Variants in NSF observed in about 807,000 individuals in gnomAD.
NSF encodes the protein vesicle-fusing ATPase.
NSF carries 14 observed loss-of-function variants against 50.3 expected under a neutral mutation model. The observed-to-expected ratio is 0.28, with a 90% CI of 0.18 to 0.44. The LOEUF is 0.44. Ranked by LOEUF, NSF falls within the 20% of genes least tolerant of loss-of-function variation. The probability of loss-of-function intolerance (pLI) is 1.00; values close to 1 mark genes in which losing one functional copy is unlikely to be tolerated. For missense variants in NSF, 218 were observed against 504.3 expected (o/e 0.43, Z 5.44); for synonymous variants, 109 against 175.7 (o/e 0.62, Z 3.00).
At chr17:46,727,123 A>G (rs145388118) in intron 16 of NSF, among the ~76,000 whole-genome samples, 17 of 152,324 alleles carry the variant, frequency 1.1e-4, no homozygotes, top group African/African-American at 4.1e-4. Context: ...AGTAATTGTG[A>G]AGACAAAAAT....
At chr17:46,721,326 T>G (rs938308894) in intron 15 of NSF, among the ~76,000 whole-genome samples, 2 of 152,198 alleles carry the variant, frequency 1.3e-5, no homozygotes, top group African/African-American at 2.4e-5. Flanking sequence ...TCTTCCTTCC[T>G]TTAGAGTAGA....
chr17:46,732,340 C>T (rs536219804), intron 17 of NSF, among the ~76,000 whole-genome samples: 118 of 152,098 alleles, frequency 7.8e-4, no homozygotes, highest in Admixed American at 2.1e-3. Flanking sequence ...TCTCTTTTCT[C>T]CTTCCACCCC....
At chr17:46,731,536 G>A (rs199449) in intron 17 of NSF, among the ~76,000 whole-genome samples, 45,636 of 152,006 alleles carry the variant, frequency 0.3, 7,613 homozygotes, top group East Asian at 0.6. Flanking sequence ...AGTGGTTTAG[G>A]AGCTACTTAA....
intron 1 of NSF, among the ~76,000 whole-genome samples, chr17:46,600,025 A>G (rs1316821145): frequency 2.0e-5 from 1 of 51,022 alleles, no homozygotes; most frequent in Non-Finnish European, 3.5e-5. Flanking sequence ...TGGCGCAGTC[A>G]TAGCTCACTG....
chr17:46,603,111 TATCA>T (rs1320554881), intron 1 of NSF, among the ~76,000 whole-genome samples: 2 of 126,044 alleles, frequency 1.6e-5, no homozygotes, highest in African/African-American at 6.3e-5. Context: ...TAAATCTACT[TATCA>T]GTCATCAAAT....
intron 1 of NSF, among the ~76,000 whole-genome samples, chr17:46,622,637 A>T (rs1180044249): frequency 7.1e-6 from 1 of 141,072 alleles, no homozygotes; most frequent in African/African-American, 2.8e-5. Flanking sequence ...TTCAAAAATT[A>T]GCTGGAGCAT....
chr17:46,733,539 G>A lies in NSF; in HGVS notation c.1908+4605G>A, dbSNP rs574308570. ...CATCTGTATGTAACAGGGTAGCCTC[G>A]TAATTTATGGAGGAGCAATCCTTCC... On this transcript the variant is annotated intron_variant, in intron 17 of 20. Coordinates refer to ENST00000398238, the MANE Select transcript of NSF (RefSeq NM_006178.4). Among the ~76,000 whole-genome samples the A allele has an allele frequency of 6.5e-4, 99 of 152,236 alleles. 1 individual carries two copies. The highest frequency in any genetic ancestry group is 1.7e-3 in the African/African-American group (72 of 41,542).
chr17:46,739,654 A>C (rs2059049015), intron 17 of NSF, among the ~76,000 whole-genome samples: 1 of 151,928 alleles, frequency 6.6e-6, no homozygotes, highest in Non-Finnish European at 1.5e-5. Context: ...AAAAAAAATA[A>C]ATTTTCCACC....
chr17:46,740,725 G>A (rs991041657), intron 17 of NSF, among the ~76,000 whole-genome samples: 1 of 150,124 alleles, frequency 6.7e-6, no homozygotes, highest in Admixed American at 6.7e-5. Flanking sequence ...ACAATGGCAC[G>A]ATTTCGGCTC....
At chr17:46,731,174 C>A (rs922854079) in intron 17 of NSF, among the ~76,000 whole-genome samples, 7 of 151,866 alleles carry the variant, frequency 4.6e-5, no homozygotes, top group African/African-American at 1.7e-4. Context: ...AAAAGTAGTA[C>A]CATTACATAC....
At chr17:46,734,899 AAGTT>A (rs1342442143) in intron 17 of NSF, among the ~76,000 whole-genome samples, 2 of 152,122 alleles carry the variant, frequency 1.3e-5, no homozygotes, top group Non-Finnish European at 2.9e-5. Flanking sequence ...TTACAAAAAA[AAGTT>A]AGTCGAATGT....
intron 13 of NSF, among the ~76,000 whole-genome samples, chr17:46,707,457 T>C (rs182418570): frequency 1.3e-5 from 2 of 152,306 alleles, no homozygotes; most frequent in East Asian, 1.9e-4. Context: ...CATAATGTTG[T>C]ATAATCATCA....
At chr17:46,613,215 T>C (rs2058028870) in intron 1 of NSF, among the ~76,000 whole-genome samples, 1 of 24,674 alleles carries the variant, frequency 4.1e-5, no homozygotes, top group Non-Finnish European at 1.3e-4. Flanking sequence ...GAATTTGAGG[T>C]TACAGTGAGC....
At chr17:46,732,229 G>A (rs1170318879) in intron 17 of NSF, among the ~76,000 whole-genome samples, 1 of 152,128 alleles carries the variant, frequency 6.6e-6, no homozygotes, top group African/African-American at 2.4e-5. Flanking sequence ...TGCATTTGTT[G>A]TATTTCCAGC....
intron 15 of NSF, among the ~76,000 whole-genome samples, chr17:46,722,987 GC>G (rs774287066): frequency 9.8e-5 from 15 of 152,328 alleles, no homozygotes; most frequent in Non-Finnish European, 1.9e-4. Context: ...TTAAGTGACT[GC>G]TGCAGGTATT....
chr17:46,717,451 G>A (rs1000586670), intron 15 of NSF, among the ~76,000 whole-genome samples: 14 of 152,106 alleles, frequency 9.2e-5, no homozygotes, highest in African/African-American at 3.1e-4. Flanking sequence ...AGTGGTTCAC[G>A]CCTGTAATCC....
intron 17 of NSF, among the ~76,000 whole-genome samples, chr17:46,739,932 T>C (rs1302012472): frequency 6.6e-6 from 1 of 152,178 alleles, no homozygotes; most frequent in Non-Finnish European, 1.5e-5. Flanking sequence ...ACTCCTGGCC[T>C]CAAGTGATCC....
At chr17:46,730,229 TTA>T (rs1324901946) in intron 17 of NSF, among the ~76,000 whole-genome samples, 4 of 152,298 alleles carry the variant, frequency 2.6e-5, no homozygotes, top group East Asian at 1.9e-4. Context: ...CAAAAAAACT[TTA>T]TGTCAGCATA....
intron 17 of NSF, among the ~76,000 whole-genome samples, chr17:46,731,395 A>G (rs904149410): frequency 6.6e-6 from 1 of 152,136 alleles, no homozygotes; most frequent in Non-Finnish European, 1.5e-5. Flanking sequence ...TTGGGGTGAT[A>G]GAAATGCTCT....
Sources: allele counts gnomAD v4.1 joint callset (sites outside exome capture counted in the v4.1 genomes callset), GRCh38; gene constraint gnomAD v4.1.1; transcripts MANE v1.5; gene names NCBI Gene and HGNC (gene_info 2026-07-23, HGNC 2026-07-21).